The following DPP6 variants were observed in gnomAD, a reference collection of about 807,000 sequenced individuals.
DPP6 encodes the protein A-type potassium channel modulatory protein DPP6.
Under a neutral mutation model 122.6 loss-of-function variants are expected in DPP6, and 69 were observed. The observed-to-expected ratio is 0.56, with a 90% CI of 0.46 to 0.69. The LOEUF (loss-of-function observed/expected upper bound fraction) is 0.69. DPP6 is among the 30% of genes least tolerant of loss of function. The pLI is 0.00. For synonymous variants in DPP6, 418 were observed against 433.1 expected, an observed-to-expected ratio of 0.97 and a Z score of 0.43; for missense variants, 928 against 1,116.9, an observed-to-expected ratio of 0.83 and a Z score of 2.41.
chr7:154,617,421 C>T (rs978631708), intron 5 of DPP6, among the ~76,000 whole-genome samples: 2 of 152,200 alleles, frequency 1.3e-5, no homozygotes, highest in African/African-American at 2.4e-5. Context: ...AATGCAATTG[C>T]AAATGGCAAT....
intron 3 of DPP6, among the ~76,000 whole-genome samples, chr7:154,500,665 C>T (rs1012614607): frequency 5.9e-5 from 9 of 152,174 alleles, no homozygotes; most frequent in Non-Finnish European, 1.3e-4. Flanking sequence ...GTGAGGCCTC[C>T]CCAGCCACGT....
intron 1 of DPP6, among the ~76,000 whole-genome samples, chr7:153,937,253 G>A (rs1365778727): frequency 2.0e-5 from 3 of 152,138 alleles, no homozygotes; most frequent in Non-Finnish European, 2.9e-5. Flanking sequence ...GAGGAGGTGG[G>A]GCTGTAAGAT....
chr7:154,062,014 AGGG>A lies in DPP6; in HGVS notation c.243+8958_243+8960del, dbSNP rs750730060. ...CCCTGGCTGTTGGTACCCCCATCGCAGGGGGGGGGAGGCACCCCCCGCGAGGCA... is the reference window on the plus strand; with the variant it reads ...CCCTGGCTGTTGGTACCCCCATCGCAGGGGGGAGGCACCCCCCGCGAGGCA... On this transcript the variant is annotated intron_variant, in intron 1 of 25. Coordinates refer to ENST00000377770, the MANE Select transcript of DPP6 (RefSeq NM_130797.4). Among the ~76,000 whole-genome samples the A allele has an allele frequency of 1.3e-4, 12 of 93,174 alleles. 1 individual carries two copies. The highest frequency in any genetic ancestry group is 2.6e-4 in the African/African-American group (6 of 23,174). 61.1% of individuals were successfully genotyped at this position (93,174 alleles called of 152,430 possible).
rs753300006 is a variant in DPP6, at chr7:154,423,294, G to A, written c.244-22920G>A. 1.1e-4 allele frequency among the ~76,000 whole-genome samples: 17 copies of A among 152,306 alleles called. No individual in the cohort carries two copies. The East Asian group carries it at 2.1e-3, about 19-fold the overall frequency. ...TAGAGTCAGGGAGGTGAAAAACTCC[G>A]AGGGTTAGTCATGTGATAATGTCGG... On this transcript the variant is annotated intron_variant, in intron 1 of 25. Coordinates refer to ENST00000377770, the MANE Select transcript of DPP6 (RefSeq NM_130797.4).
the DPP6 span, among the ~76,000 whole-genome samples, chr7:153,803,078 A>G: frequency 6.6e-6 from 1 of 151,506 alleles, no homozygotes; most frequent in Non-Finnish European, 1.5e-5. Context: ...TGGCCCAACA[A>G]CAGCTCACAA....
chr7:153,808,367 G>C, the DPP6 span, among the ~76,000 whole-genome samples: 2 of 151,312 alleles, frequency 1.3e-5, no homozygotes, highest in African/African-American at 4.9e-5. Context: ...GGGCATGCCT[G>C]TATGTGTGCC....
chr7:153,797,104 A>T, the DPP6 span, among the ~76,000 whole-genome samples: 1 of 152,164 alleles, frequency 6.6e-6, no homozygotes, highest in African/African-American at 2.4e-5. Flanking sequence ...CACATGAGGG[A>T]ACTTGAAAGT....
At chr7:153,754,430 A>G in the DPP6 span, among the ~76,000 whole-genome samples, 11 of 152,126 alleles carry the variant, frequency 7.2e-5, no homozygotes, top group Non-Finnish European at 1.5e-5. Context: ...CATTTGATTC[A>G]TAGTTCCCTG....
intron 1 of DPP6, among the ~76,000 whole-genome samples, chr7:154,419,857 G>C (rs1817315783): frequency 6.6e-6 from 1 of 152,166 alleles, no homozygotes; most frequent in African/African-American, 2.4e-5. Flanking sequence ...TCCAAAATAA[G>C]TGAAATCAGG....
At chr7:154,621,061 C>A (rs1209044545) in intron 5 of DPP6, among the ~76,000 whole-genome samples, 1 of 152,166 alleles carries the variant, frequency 6.6e-6, no homozygotes, top group Non-Finnish European at 1.5e-5. Context: ...GAAACCCTAC[C>A]TCAATACTAC....
chr7:153,756,870 T>C, the DPP6 span, among the ~76,000 whole-genome samples: 2,751 of 152,160 alleles, frequency 0.018, 44 homozygotes, highest in Middle Eastern at 0.034. Context: ...ATTTTATCAG[T>C]AAAATACATA....
At chr7:154,738,198 G>A (rs906756183) in intron 8 of DPP6, among the ~76,000 whole-genome samples, 2 of 152,226 alleles carry the variant, frequency 1.3e-5, no homozygotes, top group Non-Finnish European at 2.9e-5. Context: ...TTTTTGACTG[G>A]AAGGTCAGAC....
At chr7:154,269,789 C>T (rs1352996809) in intron 1 of DPP6, among the ~76,000 whole-genome samples, 1 of 152,084 alleles carries the variant, frequency 6.6e-6, no homozygotes, top group Non-Finnish European at 1.5e-5. Context: ...GCTATTTGAA[C>T]ATTTTCTCTG....
chr7:154,720,921 A>G (rs1263465304), intron 7 of DPP6, among the ~76,000 whole-genome samples: 1 of 152,132 alleles, frequency 6.6e-6, no homozygotes, highest in African/African-American at 2.4e-5. Context: ...TTTCCCCAAT[A>G]AGCCTCGAGA....
intron 1 of DPP6, among the ~76,000 whole-genome samples, chr7:154,214,966 T>C (rs1364107497): frequency 2.0e-5 from 3 of 152,148 alleles, no homozygotes; most frequent in Non-Finnish European, 4.4e-5. Context: ...TGATGCACTC[T>C]TTCCTAGTGT....
At chr7:154,252,995 G>A (rs1802442744) in intron 1 of DPP6, among the ~76,000 whole-genome samples, 1 of 152,188 alleles carries the variant, frequency 6.6e-6, no homozygotes, top group African/African-American at 2.4e-5. Flanking sequence ...ATAATGCAAG[G>A]AATATTGGGT....
intron 1 of DPP6, among the ~76,000 whole-genome samples, chr7:154,376,756 C>G (rs1813162066): frequency 6.6e-6 from 1 of 152,198 alleles, no homozygotes; most frequent in South Asian, 2.1e-4. Flanking sequence ...AGCTTGCAGC[C>G]TGGGCCTCAT....
intron 5 of DPP6, among the ~76,000 whole-genome samples, chr7:154,599,170 A>G (rs976432557): frequency 2.0e-5 from 3 of 152,186 alleles, no homozygotes; most frequent in Non-Finnish European, 4.4e-5. Flanking sequence ...TCAACAAAAG[A>G]GCATATTGAT....
chr7:153,857,322 TTCTCTCTC>T, the DPP6 span, among the ~76,000 whole-genome samples: 9,114 of 124,458 alleles, frequency 0.073, 508 homozygotes, highest in East Asian at 0.26. Context: ...CTCAAAGGTT[TTCTCTCTC>T]TCTCTCTCTC....
Sources: allele counts gnomAD v4.1 joint callset (sites outside exome capture counted in the v4.1 genomes callset), GRCh38; gene constraint gnomAD v4.1.1; transcripts MANE v1.5; gene names NCBI Gene and HGNC (gene_info 2026-07-23, HGNC 2026-07-21).